Variants in ELP6 observed in about 807,000 individuals in gnomAD.
ELP6 encodes the protein elongator acetyltransferase complex subunit 6.
In ELP6, 23 loss-of-function variants were observed where a neutral mutation model predicts 28.1. That is an observed-to-expected ratio of 0.82 (90% CI 0.59 to 1.16). The LOEUF is 1.16. Ranked by LOEUF, ELP6 falls within the 50% of genes most tolerant of loss-of-function variation. The pLI is 0.00. For synonymous variants in ELP6, 132 were observed against 135.8 expected (o/e 0.97, Z 0.19); for missense variants, 313 against 334.6 (o/e 0.94, Z 0.50).
Position 47,499,371 on chromosome 3 carries a change from T to A in ELP6, c.526-939A>T, listed in dbSNP as rs573634127. On this transcript the variant is annotated intron_variant, in intron 5 of 6. Coordinates refer to ENST00000296149, the MANE Select transcript of ELP6 (RefSeq NM_001031703.3). The stretch of plus-strand genomic sequence containing the variant: ...GTCTCTACTAAAAAAACACAAAATT[T>A]AGCCGGGCATGGTGGCATGTGCCTG... Among the ~76,000 whole-genome samples, 15 of 152,020 alleles carry A rather than the reference T, an allele frequency of 9.9e-5. 1 individual carries two copies. The highest frequency in any genetic ancestry group is 3.6e-4 in the African/African-American group (15 of 41,484).
At chr3:47,499,909 G>T in intron 5 of ELP6, 2 of 1,322,892 alleles carry the variant, frequency 1.5e-6, no homozygotes, top group East Asian at 4.9e-5. Context: ...TGGAGGTGGA[G>T]GACGTGACCC....
chr3:47,497,819 G>T, intron 6 of ELP6: 1 of 309,228 alleles, frequency 3.2e-6, no homozygotes, highest in Non-Finnish European at 4.7e-6. Context: ...ATAATCCCAA[G>T]TACTAGGAAG....
intron 5 of ELP6, chr3:47,499,871 C>G (rs1274999706): frequency 3.2e-6 from 4 of 1,239,950 alleles, no homozygotes; most frequent in Admixed American, 6.1e-5. Flanking sequence ...CCAGGAGAAG[C>G]TGCAGTGGGA....
chr3:47,499,246 G>A (rs1708567536), intron 5 of ELP6, among the ~76,000 whole-genome samples: 2 of 152,152 alleles, frequency 1.3e-5, no homozygotes, highest in South Asian at 4.1e-4. Flanking sequence ...GCTGGGCACG[G>A]TGGCTTACGC....
chr3:47,503,327 A>G (rs540015756), intron 4 of ELP6: 11 of 1,289,126 alleles, frequency 8.5e-6, no homozygotes, highest in Non-Finnish European at 1.1e-5. Flanking sequence ...ACAGCAGCCA[A>G]GCGGGGAGTC....
chr3:47,513,132 A>G, intron 1 of ELP6: 1 of 849,784 alleles, frequency 1.2e-6, no homozygotes, highest in Non-Finnish European at 1.4e-6. Context: ...CTGAGATTAC[A>G]GGCATGAGCC....
At chr3:47,496,914 T>C (rs1300374133) in intron 6 of ELP6, 1 of 985,436 alleles carries the variant, frequency 1.0e-6, no homozygotes, top group Non-Finnish European at 1.2e-6. Flanking sequence ...GTTTTGATGG[T>C]GTTACTGCTG....
intron 3 of ELP6, among the ~76,000 whole-genome samples, chr3:47,505,881 T>C (rs1482687660): frequency 6.6e-6 from 1 of 152,148 alleles, no homozygotes; most frequent in African/African-American, 2.4e-5. Flanking sequence ...CTAATTTTTT[T>C]ATTTTTAGTA....
At chr3:47,503,046 T>C (rs979859283) in intron 4 of ELP6, 3 of 1,022,382 alleles carry the variant, frequency 2.9e-6, no homozygotes, top group Non-Finnish European at 3.5e-6. Context: ...CCAGGGCAAC[T>C]GGCCTACTGC....
rs62617110 is a variant in ELP6 at position 47,498,395 on chromosome 3, G to A, written c.563C>T (p.Ala188Val). ...MVVLVHDSGD[A>V]EDEENDILLN... ...CAGGATGTCATTCTCCTCATCCTCCGCATCTCCACTGTCGTGCACAAGGAC... is the reference window on the plus strand; with the variant it reads ...CAGGATGTCATTCTCCTCATCCTCCACATCTCCACTGTCGTGCACAAGGAC... Residue 188 changes from alanine to valine, a missense_variant, in exon 6 of 7, where the codon GCG becomes GTG. Physicochemically the swap from Ala to Val is moderately conservative, Grantham distance 64. Transcript: ENST00000296149. 6 of 1,613,360 alleles carry A rather than the reference G, an allele frequency of 3.7e-6. No homozygotes were observed. The highest frequency in any genetic ancestry group is 3.3e-5 in the South Asian group (3 of 91,084).
At chr3:47,502,288 TA>T in intron 4 of ELP6, 1 of 437,066 alleles carries the variant, frequency 2.3e-6, no homozygotes, top group Non-Finnish European at 3.0e-6. Flanking sequence ...CGCACACCTG[TA>T]ATACCAGCCA....
intron 5 of ELP6, among the ~76,000 whole-genome samples, chr3:47,500,740 G>T (rs1708624304): frequency 6.6e-6 from 1 of 152,154 alleles, no homozygotes; most frequent in Non-Finnish European, 1.5e-5. Flanking sequence ...TGCAACTGTA[G>T]CCAGGACGGC....
intron 4 of ELP6, among the ~76,000 whole-genome samples, chr3:47,502,180 G>A (rs1290565149): frequency 2.0e-5 from 3 of 151,978 alleles, no homozygotes; most frequent in Admixed American, 1.3e-4. Context: ...AGGCTGAGGC[G>A]GGTGGATCAC....
chr3:47,509,920 C>A, intron 3 of ELP6: 1 of 286,958 alleles, frequency 3.5e-6, no homozygotes, highest in African/African-American at 2.2e-5. Flanking sequence ...CACCACCACG[C>A]CCAGCTAATT....
At chr3:47,512,824 C>T (rs899299838) in intron 1 of ELP6, 1 of 966,584 alleles carries the variant, frequency 1.0e-6, no homozygotes, top group Non-Finnish European at 1.2e-6. Flanking sequence ...GGTTAGGAAG[C>T]TCGCCCATGA....
chr3:47,512,993 T>G, intron 1 of ELP6: 5 of 111,810 alleles, frequency 4.5e-5, no homozygotes, highest in Non-Finnish European at 5.6e-5. Context: ...CCCAGGTACT[T>G]TTTTTTTTTT....
chr3:47,505,358 C>CT (rs958157620), intron 3 of ELP6, among the ~76,000 whole-genome samples: 192 of 149,914 alleles, frequency 1.3e-3, no homozygotes, highest in African/African-American at 4.0e-3. Flanking sequence ...CAGACTAGGA[C>CT]TTTTTTTTTT....
chr3:47,506,473 AG>A (rs1050445814), intron 3 of ELP6, among the ~76,000 whole-genome samples: 3 of 152,138 alleles, frequency 2.0e-5, no homozygotes, highest in East Asian at 3.9e-4. Context: ...GGCCATGCCC[AG>A]GGGGGCCAGT....
At chr3:47,513,200 C>G (rs2029937908) in intron 1 of ELP6, 9 of 1,098,774 alleles carry the variant, frequency 8.2e-6, no homozygotes, top group Non-Finnish European at 1.0e-5. Context: ...CCATCTTGGC[C>G]AGACTTGTCT....
Sources: allele counts gnomAD v4.1 joint callset (sites outside exome capture counted in the v4.1 genomes callset), GRCh38; gene constraint gnomAD v4.1.1; transcripts MANE v1.5; gene names NCBI Gene and HGNC (gene_info 2026-07-23, HGNC 2026-07-21).